ASTN2: variants seen among roughly 807,000 people sequenced by gnomAD.
ASTN2 encodes the protein astrotactin 2.
In ASTN2, 54 loss-of-function variants were observed where a neutral mutation model predicts 139.8. That is an observed-to-expected ratio of 0.39 (90% confidence interval 0.31 to 0.48). The LOEUF is 0.48. Among genes scored for constraint, ASTN2 ranks in the 20% least tolerant of loss-of-function variants. ASTN2 has a pLI of 0.95. For missense variants in ASTN2, 1,565 were observed against 1,725.1 expected, an observed-to-expected ratio of 0.91 and a Z score of 1.64; for synonymous variants, 756 against 719.5, an observed-to-expected ratio of 1.05 and a Z score of -0.81.
At chr9:116,651,237 C>T (rs1296392289) in intron 17 of ASTN2, among the ~76,000 whole-genome samples, 3 of 152,030 alleles carry the variant, frequency 2.0e-5, no homozygotes, top group Non-Finnish European at 2.9e-5. Flanking sequence ...CTCATAAAGC[C>T]CCCCATCAAT....
chr9:116,472,106 G>A lies in ASTN2; in HGVS notation c.3497+15253C>T, dbSNP rs538975619. Among the ~76,000 whole-genome samples the A allele has an allele frequency of 7.2e-5, 11 of 152,106 alleles. No homozygotes were observed. In the East Asian group the frequency reaches 2.1e-3, roughly 29 times the overall value. On this transcript the variant is annotated intron_variant, in intron 20 of 22. Transcript: ENST00000313400. ...TCCTCTATTCTAACTTATACACCAC[G>A]AAGATCTTTCTATAACCCAACTGTG... is the stretch of plus-strand genomic sequence containing the variant.
intron 7 of ASTN2, among the ~76,000 whole-genome samples, chr9:116,999,907 T>C (rs968372319): frequency 2.6e-5 from 4 of 152,124 alleles, no homozygotes; most frequent in African/African-American, 9.7e-5. Context: ...AAGGACTAAA[T>C]AAAAGTTCAG....
intron 6 of ASTN2, among the ~76,000 whole-genome samples, chr9:117,033,985 C>T (rs1185161673): frequency 3.9e-4 from 59 of 152,176 alleles, no homozygotes; most frequent in Admixed American, 3.9e-3. Flanking sequence ...TGAATGTCTT[C>T]CATCCTTTCC....
chr9:116,463,170 A>G (rs544027626), intron 20 of ASTN2, among the ~76,000 whole-genome samples: 1 of 152,238 alleles, frequency 6.6e-6, no homozygotes, highest in African/African-American at 2.4e-5. Context: ...GCTCTAGTTC[A>G]GGCTGCAACC....
Position 116,982,647 on chromosome 9 carries a change from C to T in ASTN2, c.1592-5862G>A, listed in dbSNP as rs115205674. ...GTGGTGCAATCATGGCTCACCGCAG[C>T]CTTGAGCTTTTGGGCTCAAGAGATC... is the stretch of plus-strand genomic sequence containing the variant. On this transcript the variant is annotated intron_variant, in intron 7 of 22. Coordinates refer to ENST00000313400, the MANE Select transcript of ASTN2 (RefSeq NM_001365068.1). Among the ~76,000 whole-genome samples the T allele has an allele frequency of 4.5e-3, 690 of 152,162 alleles. 5 individuals are homozygous for T. The highest frequency in any genetic ancestry group is 0.015 in the African/African-American group (633 of 41,552).
intron 6 of ASTN2, among the ~76,000 whole-genome samples, chr9:117,024,525 A>G (rs1837998262): frequency 6.6e-6 from 1 of 152,120 alleles, no homozygotes. Context: ...AAGTGGAAGA[A>G]AGAGTCCCTG....
chr9:117,052,715 G>A (rs1838949879), intron 5 of ASTN2, among the ~76,000 whole-genome samples: 1 of 152,148 alleles, frequency 6.6e-6, no homozygotes, highest in Admixed American at 6.5e-5. Context: ...GCCTCTGCTG[G>A]GTTTTTGCAC....
At chr9:117,128,395 A>AAAAAAAAAAAAAAAAAAAAC (rs1829752031) in intron 4 of ASTN2, among the ~76,000 whole-genome samples, 1 of 126,730 alleles carries the variant, frequency 7.9e-6, no homozygotes, top group African/African-American at 2.7e-5. Context: ...AAAAAAAAAA[A>AAAAAAAAAAAAAAAAAAAAC]AAAAAGAAAT....
intron 2 of ASTN2, among the ~76,000 whole-genome samples, chr9:117,225,832 C>T (rs1395177118): frequency 3.3e-5 from 5 of 151,916 alleles, no homozygotes; most frequent in African/African-American, 1.2e-4. Flanking sequence ...TCACACAGCC[C>T]TTGACCTGCA....
At chr9:116,479,098 C>T (rs1849087354) in intron 20 of ASTN2, among the ~76,000 whole-genome samples, 1 of 149,358 alleles carries the variant, frequency 6.7e-6, no homozygotes, top group Non-Finnish European at 1.5e-5. Flanking sequence ...AATGGAGAAA[C>T]GAAGACCTCC....
chr9:117,228,158 T>C (rs889406411), intron 2 of ASTN2, among the ~76,000 whole-genome samples: 1 of 152,146 alleles, frequency 6.6e-6, no homozygotes, highest in Non-Finnish European at 1.5e-5. Context: ...TTGATAATCA[T>C]GTTTTTAAAA....
chr9:117,191,282 C>G (rs1831341753), intron 3 of ASTN2, among the ~76,000 whole-genome samples: 1 of 145,228 alleles, frequency 6.9e-6, no homozygotes, highest in African/African-American at 2.5e-5. Flanking sequence ...CATTATGAAG[C>G]AGTCATGAGA....
intron 11 of ASTN2, among the ~76,000 whole-genome samples, chr9:116,850,693 G>T (rs539614158): frequency 1.3e-5 from 2 of 152,234 alleles, no homozygotes; most frequent in Admixed American, 6.5e-5. Context: ...TGCCTAAAAG[G>T]TTCTCCTCTT....
intron 19 of ASTN2, among the ~76,000 whole-genome samples, chr9:116,515,248 G>A (rs1367049597): frequency 6.6e-6 from 1 of 152,152 alleles, no homozygotes; most frequent in Non-Finnish European, 1.5e-5. Context: ...CCCTGACTTT[G>A]TTCAGGGGTT....
At chr9:116,658,482 C>T (rs73530816) in intron 16 of ASTN2, among the ~76,000 whole-genome samples, 4,290 of 152,196 alleles carry the variant, frequency 0.028, 185 homozygotes, top group African/African-American at 0.099. Flanking sequence ...ATGGGTCCCC[C>T]ACAGTGAATC....
At chr9:116,922,119 T>C (rs1432975597) in intron 10 of ASTN2, among the ~76,000 whole-genome samples, 1 of 152,226 alleles carries the variant, frequency 6.6e-6, no homozygotes, top group African/African-American at 2.4e-5. Context: ...CTACTTCCTT[T>C]GAAGGTGGGA....
Position 117,008,127 on chromosome 9 carries a change from G to A in ASTN2, c.1556C>T (p.Thr519Ile). The A allele has an allele frequency of 6.2e-7, 1 of 1,608,662 alleles. No individual in the cohort carries two copies. Among genetic ancestry groups the A allele is most frequent in the Non-Finnish European group, 8.5e-7 (1 of 1,177,358 alleles). ...GTCGCAGAGCTGCTCACAGGCATCT[G>A]TCGTCCTTTGTCCACAGAGGTCCCT... The part of the protein sequence containing the change: ...WVRDLCGQRT[T>I]DACEQLCDPE... The change falls in exon 7 of 23, where the codon ACA becomes ATA. Residue 519 changes from threonine to isoleucine, a missense_variant. By Grantham distance (89) the Thr-to-Ile change is moderately conservative. Coordinates refer to ENST00000313400, the MANE Select transcript of ASTN2 (RefSeq NM_001365068.1).
chr9:117,082,155 G>A (rs1480618105), intron 5 of ASTN2, among the ~76,000 whole-genome samples: 1 of 152,132 alleles, frequency 6.6e-6, no homozygotes, highest in Non-Finnish European at 1.5e-5. Flanking sequence ...AGATCTGGTT[G>A]GCAAATGTCC....
intron 10 of ASTN2, among the ~76,000 whole-genome samples, chr9:116,914,798 C>T (rs190818914): frequency 1.5e-4 from 23 of 152,154 alleles, no homozygotes; most frequent in Admixed American, 7.2e-4. Flanking sequence ...GTTTAATGTT[C>T]GCTGGCTAAT....
Sources: gnomAD v4.1 joint callset for allele counts (sites outside exome capture counted in the v4.1 genomes callset) on GRCh38, gnomAD v4.1.1 for gene constraint, MANE v1.5 for transcripts, NCBI Gene and HGNC (gene_info 2026-07-23, HGNC 2026-07-21) for gene names.